The following EVL variants were observed in gnomAD, a reference collection of about 807,000 sequenced individuals.
EVL encodes the protein ena/VASP-like protein.
A neutral mutation model predicts 59.6 loss-of-function variants in EVL; 21 were observed. That is an observed-to-expected ratio of 0.35 (90% confidence interval 0.25 to 0.51). The LOEUF is 0.51. EVL is among the 20% of genes least tolerant of loss of function. The pLI, the probability that EVL is intolerant of heterozygous loss-of-function variation, is 0.97. For synonymous variants in EVL, 198 were observed against 203.5 expected, an observed-to-expected ratio of 0.97 and a Z score of 0.23; for missense variants, 462 against 546.6, an observed-to-expected ratio of 0.85 and a Z score of 1.54.
rs565407734 is a variant in EVL, at chr14:100,043,908, C to G, written c.6-40779C>G. On this transcript the variant is annotated intron_variant, in intron 1 of 13. Transcript: ENST00000402714. ...CTTCCCTTTTGTTGTATCTGGGCCC[C>G]CAGTTGTATATGTATAGATATACAA... 2.0e-3 allele frequency among the ~76,000 whole-genome samples: 305 copies of G among 151,834 alleles called. 2 individuals carry two copies. The highest frequency in any genetic ancestry group is 3.4e-3 in the Non-Finnish European group (233 of 67,892).
intron 1 of EVL, among the ~76,000 whole-genome samples, chr14:100,080,627 T>C (rs993751515): frequency 4.7e-4 from 72 of 152,292 alleles, no homozygotes; most frequent in African/African-American, 1.7e-3. Context: ...GCCCCACAAA[T>C]ACATGTACGA....
intron 1 of EVL, among the ~76,000 whole-genome samples, chr14:99,982,900 G>A (rs150084566): frequency 1.3e-5 from 2 of 152,270 alleles, no homozygotes; most frequent in African/African-American, 2.4e-5. Context: ...AGCAATTTAC[G>A]TAACCTTTAT....
At chr14:100,129,399 C>T (rs1354638221) in intron 6 of EVL, among the ~76,000 whole-genome samples, 164 bp from the exon 7 acceptor site, 1 of 152,194 alleles carries the variant, frequency 6.6e-6, no homozygotes, top group African/African-American at 2.4e-5. Context: ...GGTTTTCTCC[C>T]CTGTGGGGTT....
intron 2 of EVL, among the ~76,000 whole-genome samples, chr14:100,085,380 C>T (rs1271111336): frequency 2.6e-5 from 4 of 152,182 alleles, no homozygotes; most frequent in Admixed American, 1.3e-4. Context: ...ATCATGTCCA[C>T]CTGTGTCATG....
At chr14:100,131,551 C>A (rs893567570) in intron 7 of EVL, among the ~76,000 whole-genome samples, 4 of 152,320 alleles carry the variant, frequency 2.6e-5, no homozygotes, top group Admixed American at 2.0e-4. Context: ...AGCTCCTGTT[C>A]AGCAGCACTT....
At chr14:99,980,350 G>A (rs2060798424) in intron 1 of EVL, among the ~76,000 whole-genome samples, 1 of 152,148 alleles carries the variant, frequency 6.6e-6, no homozygotes, top group South Asian at 2.1e-4. Context: ...CAACATCCCG[G>A]GGTGCATGGT....
chr14:100,133,202 C>T (rs143988776), intron 8 of EVL, among the ~76,000 whole-genome samples: 2 of 152,222 alleles, frequency 1.3e-5, no homozygotes, highest in Admixed American at 6.5e-5. Context: ...GACTCCTCTT[C>T]CAGCAGGAGC....
chr14:100,061,403 CAAAAAAAA>C (rs56656380), upstream of EVL, among the ~76,000 whole-genome samples: 6 of 19,094 alleles, frequency 3.1e-4, no homozygotes, highest in East Asian at 5.1e-3. Flanking sequence ...GACCCTGTCT[CAAAAAAAA>C]AAAAAAAAAA....
At chr14:100,102,887 A>G (rs1595181277) in intron 3 of EVL, among the ~76,000 whole-genome samples, 1 of 152,140 alleles carries the variant, frequency 6.6e-6, no homozygotes, top group African/African-American at 2.4e-5. Context: ...CACAAGGTCA[A>G]GAGATCAAGA....
At chr14:100,056,410 G>T (rs1463419313) in intron 1 of EVL, among the ~76,000 whole-genome samples, 2 of 151,634 alleles carry the variant, frequency 1.3e-5, no homozygotes, top group Non-Finnish European at 2.9e-5. Flanking sequence ...TTGCTTGGTT[G>T]TTCTTCCTTA....
intron 2 of EVL, among the ~76,000 whole-genome samples, chr14:100,089,791 G>A (rs1033805176): frequency 1.3e-5 from 2 of 152,100 alleles, no homozygotes; most frequent in African/African-American, 4.8e-5. Flanking sequence ...TAATTAACTG[G>A]GTGTGGTGGC....
chr14:100,042,617 A>G (rs772164523), intron 1 of EVL, among the ~76,000 whole-genome samples: 19 of 152,140 alleles, frequency 1.2e-4, no homozygotes, highest in Non-Finnish European at 2.4e-4. Flanking sequence ...GCCCAGGGCC[A>G]GTTCATATGC....
chr14:99,990,480 A>G (rs149735970), intron 1 of EVL, among the ~76,000 whole-genome samples: 1 of 152,204 alleles, frequency 6.6e-6, no homozygotes, highest in East Asian at 1.9e-4. Context: ...TCTAAACCCC[A>G]TTAAACACTA....
intron 1 of EVL, among the ~76,000 whole-genome samples, chr14:100,047,497 C>G (rs1285327492): frequency 6.7e-6 from 1 of 149,076 alleles, no homozygotes; most frequent in Non-Finnish European, 1.5e-5. Flanking sequence ...AGCTCACACT[C>G]TCTTTCCATT....
intron 1 of EVL, among the ~76,000 whole-genome samples, chr14:99,984,161 A>C (rs2060825903): frequency 6.6e-6 from 1 of 152,240 alleles, no homozygotes; most frequent in Admixed American, 6.5e-5. Flanking sequence ...GCTAGCATCC[A>C]AGCAAAAGCT....
At chr14:100,126,670 G>A in intron 4 of EVL, 37 bp from the exon 5 acceptor site, 1 of 1,611,500 alleles carries the variant, frequency 6.2e-7, no homozygotes, top group Non-Finnish European at 8.5e-7. Context: ...TCTCCAGAGT[G>A]GAGGAGTCAG....
At chr14:100,050,357 A>ATTT (rs1401818468) in intron 1 of EVL, among the ~76,000 whole-genome samples, 1 of 37,812 alleles carries the variant, frequency 2.6e-5, no homozygotes, top group African/African-American at 6.4e-5. Flanking sequence ...TTATTTATTT[A>ATTT]TTTATTTTTT....
rs970889653 is a variant in EVL, at chr14:100,025,064, G to A, written c.5+53007G>A. 5.3e-5 allele frequency among the ~76,000 whole-genome samples: 8 copies of A among 152,240 alleles called. No individual in the cohort carries two copies. The South Asian group carries it at 8.3e-4, about 16-fold the overall frequency. ...GCATCTGAATTGCTGCAGTAGCATTGTAACTGCCCTCCAAGCTTTCTGCCC... is the reference window on the plus strand; with the variant it reads ...GCATCTGAATTGCTGCAGTAGCATTATAACTGCCCTCCAAGCTTTCTGCCC... On this transcript the variant is annotated intron_variant, in intron 1 of 13. Coordinates refer to the EVL transcript ENST00000402714.
At chr14:100,115,606 G>A (rs1022992663) in intron 3 of EVL, among the ~76,000 whole-genome samples, 1 of 152,150 alleles carries the variant, frequency 6.6e-6, no homozygotes, top group Non-Finnish European at 1.5e-5. Context: ...TTTACCTATT[G>A]GTCACCATGG....
Sources: gnomAD v4.1 joint callset for allele counts (sites outside exome capture counted in the v4.1 genomes callset) on GRCh38, gnomAD v4.1.1 for gene constraint, MANE v1.5 for transcripts, NCBI Gene and HGNC (gene_info 2026-07-23, HGNC 2026-07-21) for gene names.